The following PI4KA variants were observed in gnomAD, a reference collection of about 807,000 sequenced individuals.
PI4KA encodes PI4-kinase alpha.
PI4KA carries 122 observed loss-of-function variants against 271.4 expected under a neutral mutation model. That is an observed-to-expected ratio of 0.45 (90% CI 0.39 to 0.52). PI4KA has a LOEUF of 0.52. Ranked by LOEUF, PI4KA falls within the 20% of genes least tolerant of loss-of-function variation. The pLI, the probability that PI4KA is intolerant of heterozygous loss-of-function variation, is 0.00. For missense variants in PI4KA, 1,969 were observed against 2,769.1 expected, an observed-to-expected ratio of 0.71 and a Z score of 6.48; for synonymous variants, 1,041 against 1,078.8, an observed-to-expected ratio of 0.96 and a Z score of 0.69.
intron 12 of PI4KA, 25 bp downstream of exon 12, chr22:20,804,275 C>T: frequency 6.6e-7 from 1 of 1,504,912 alleles, no homozygotes; most frequent in South Asian, 1.1e-5. Context: ...GGGATCTGAG[C>T]CTCTCTGGGT....
At chr22:20,708,191 C>T in intron 54 of PI4KA, 93 bp from the exon 55 acceptor site, 1 of 939,632 alleles carries the variant, frequency 1.1e-6, no homozygotes, top group Non-Finnish European at 1.8e-6. Context: ...CAATCAGCCC[C>T]TTATGGCTGC....
At chr22:20,766,835 G>A (rs896692354) in intron 19 of PI4KA, among the ~76,000 whole-genome samples, 3 of 152,258 alleles carry the variant, frequency 2.0e-5, no homozygotes, top group East Asian at 1.9e-4. Flanking sequence ...GCACTGGGCC[G>A]GGAGAGAGGT....
At chr22:20,755,864 G>A (rs927399575) in intron 23 of PI4KA, among the ~76,000 whole-genome samples, 1 of 151,852 alleles carries the variant, frequency 6.6e-6, no homozygotes, top group Non-Finnish European at 1.5e-5. Context: ...TCATCACAGT[G>A]CAGATGAAGA....
At chr22:20,726,618 G>T in intron 41 of PI4KA, 77 bp from the exon 42 acceptor site, 1 of 1,308,464 alleles carries the variant, frequency 7.6e-7, no homozygotes, top group Non-Finnish European at 1.0e-6. Context: ...CCCTGCCTCT[G>T]CTTCTGCTCT....
chr22:20,733,626 C>T, intron 35 of PI4KA, 110 bp downstream of exon 35: 1 of 1,571,934 alleles, frequency 6.4e-7, no homozygotes, highest in Non-Finnish European at 8.6e-7. Flanking sequence ...GTGAGCACAA[C>T]TGGGCAACTG....
rs575904114 is a variant in PI4KA at position 20,730,745 on chromosome 22, T to C, written c.4289-734A>G. ...CCACCATGCCTGGCTAATTTTTGTATTTTTAGTAGAGATGGGGTTTCACCA... is the reference window on the plus strand; with the variant it reads ...CCACCATGCCTGGCTAATTTTTGTACTTTTAGTAGAGATGGGGTTTCACCA... On this transcript the variant is annotated intron_variant, in intron 36 of 54. Transcript: ENST00000255882. 4.6e-5 allele frequency among the ~76,000 whole-genome samples: 7 copies of C among 152,004 alleles called. No homozygotes were observed. In the South Asian group the frequency reaches 1.5e-3, roughly 32 times the overall value.
chr22:20,813,552 T>C, intron 7 of PI4KA, 46 bp from the exon 8 acceptor site: 1 of 1,592,716 alleles, frequency 6.3e-7, no homozygotes, highest in Non-Finnish European at 8.6e-7. Flanking sequence ...GACAGGCAAC[T>C]AGGGTACTTC....
chr22:20,826,898 GTT>G (rs361607), intron 3 of PI4KA, among the ~76,000 whole-genome samples: 73,824 of 150,534 alleles, frequency 0.49, 18,458 homozygotes, highest in African/African-American at 0.59. Flanking sequence ...TTTTAACGGG[GTT>G]TTTTTTTTGT....
chr22:20,794,779 G>C (rs1407065442), intron 18 of PI4KA, among the ~76,000 whole-genome samples: 1 of 152,174 alleles, frequency 6.6e-6, no homozygotes, highest in South Asian at 2.1e-4. Context: ...CCCTCATCTA[G>C]AGCAAGGGCT....
intron 19 of PI4KA, among the ~76,000 whole-genome samples, chr22:20,774,529 G>A (rs949089658): frequency 4.6e-5 from 7 of 152,168 alleles, no homozygotes; most frequent in African/African-American, 9.7e-5. Context: ...TTGGGAGGCC[G>A]AGGCGGGTGG....
chr22:20,780,075 G>C (rs778182584), intron 19 of PI4KA: 1 of 1,614,128 alleles, frequency 6.2e-7, no homozygotes, highest in Non-Finnish European at 8.5e-7. Context: ...TGACTTCTCA[G>C]ACCCTGCCTT....
chr22:20,813,590 A>G, intron 7 of PI4KA, 84 bp from the exon 8 acceptor site: 1 of 1,257,586 alleles, frequency 8.0e-7, no homozygotes. Context: ...AATAACCAAC[A>G]AAGGTGCAGA....
intron 32 of PI4KA, among the ~76,000 whole-genome samples, chr22:20,739,335 T>A (rs1601376197): frequency 7.4e-6 from 1 of 134,732 alleles, no homozygotes; most frequent in Admixed American, 7.6e-5. Flanking sequence ...CGAGACTCCA[T>A]CTCAAAAAAA....
chr22:20,781,629 T>C (rs1423174036), intron 19 of PI4KA, among the ~76,000 whole-genome samples: 1 of 152,228 alleles, frequency 6.6e-6, no homozygotes, highest in East Asian at 1.9e-4. Flanking sequence ...ACACCCAGGT[T>C]TCCACCCCAA....
At chr22:20,849,241 T>C (rs1447094617) in intron 1 of PI4KA, among the ~76,000 whole-genome samples, 2 of 152,202 alleles carry the variant, frequency 1.3e-5, no homozygotes, top group East Asian at 3.8e-4. Flanking sequence ...CTGTACACCG[T>C]TGGTGGGAAT....
chr22:20,765,321 G>T, intron 20 of PI4KA, 85 bp from the exon 21 acceptor site: 1 of 1,353,604 alleles, frequency 7.4e-7, no homozygotes, highest in Middle Eastern at 2.3e-4. Context: ...TATAGTCATG[G>T]GTCCTTTGAG....
chr22:20,846,458 A>G (rs1326142300), intron 1 of PI4KA, among the ~76,000 whole-genome samples: 2 of 151,988 alleles, frequency 1.3e-5, no homozygotes, highest in Non-Finnish European at 2.9e-5. Flanking sequence ...GTTCTCAATT[A>G]TAAGTGGGAG....
rs1935445744 is a variant in PI4KA, at chr22:20,803,327, C to A, written c.1462-7G>T. The A allele has an allele frequency of 6.2e-7, 1 of 1,613,898 alleles. No individual in the cohort carries two copies. Among genetic ancestry groups the A allele is most frequent in the Non-Finnish European group, 8.5e-7 (1 of 1,179,870 alleles). ...CGCACAGGCGGCCCAAACCCTGCAACACACCATCAACCTGTCACATGGCCT... is the reference window on the plus strand; with the variant it reads ...CGCACAGGCGGCCCAAACCCTGCAAAACACCATCAACCTGTCACATGGCCT... On this transcript the variant is annotated splice_region_variant and splice_polypyrimidine_tract_variant and intron_variant, in intron 12 of 54. Transcript: ENST00000255882.
intron 23 of PI4KA, among the ~76,000 whole-genome samples, chr22:20,758,453 TCTTTTC>T (rs1338043798): frequency 1.0e-3 from 135 of 129,828 alleles, no homozygotes; most frequent in African/African-American, 3.9e-3. Context: ...GATTTTTCTT[TCTTTTC>T]TTTTTTTTTT....
Sources: gnomAD v4.1 joint callset for allele counts (sites outside exome capture counted in the v4.1 genomes callset) on GRCh38, gnomAD v4.1.1 for gene constraint, MANE v1.5 for transcripts, NCBI Gene and HGNC (gene_info 2026-07-23, HGNC 2026-07-21) for gene names.